Variants in AK2 observed in about 807,000 individuals in gnomAD.
AK2 encodes adenylate kinase 2, mitochondrial.
Under a neutral mutation model 24.6 loss-of-function variants are expected in AK2, and 15 were observed. The observed-to-expected ratio is 0.61, with a 90% CI of 0.41 to 0.94. The LOEUF (loss-of-function observed/expected upper bound fraction) is 0.94. Ranked by LOEUF, AK2 falls within the 40% of genes least tolerant of loss-of-function variation. The pLI is 0.00. For synonymous variants in AK2, 102 were observed against 114.0 expected (o/e 0.90, Z 0.67); for missense variants, 257 against 304.1 (o/e 0.85, Z 1.15).
At position 33,011,386 on chromosome 1, in the gene AK2, G is replaced by C. The variant is rs1405475694; in HGVS notation, c.*1795C>G. 2 of 1,287,412 alleles carry C rather than the reference G, an allele frequency of 1.6e-6. No individual in the cohort carries two copies. The highest frequency in any genetic ancestry group is 2.5e-5 in the South Asian group (2 of 80,946). The allele number at this position is 1,287,412 out of a possible 1,614,324, so 79.7% of individuals were successfully genotyped here. ...CAAAGCCAGACTGAGTTTCCATTAA[G>C]AGTGGGTGGAGTTGGTTTAGAGCCA... On this transcript the variant is annotated 3_prime_UTR_variant, in exon 6 of 6. Transcript: ENST00000672715.
At chr1:33,024,087 C>G in intron 2 of AK2, 1 of 302,728 alleles carries the variant, frequency 3.3e-6, no homozygotes, top group Non-Finnish European at 6.4e-6. Flanking sequence ...ACAAGAATCG[C>G]TTGAACCCAG....
At chr1:33,017,477 A>G (rs1344647701) in intron 4 of AK2, among the ~76,000 whole-genome samples, 2 of 152,204 alleles carry the variant, frequency 1.3e-5, no homozygotes, top group Admixed American at 6.5e-5. Flanking sequence ...ACGGACCAGG[A>G]TATTTTTTTA....
At chr1:33,013,782 T>C (rs190106860) in intron 5 of AK2, among the ~76,000 whole-genome samples, 19 of 152,326 alleles carry the variant, frequency 1.2e-4, no homozygotes, top group African/African-American at 4.1e-4. Context: ...AAATCAAAGA[T>C]ACATTAGCAA....
intron 2 of AK2, among the ~76,000 whole-genome samples, chr1:33,022,577 G>A (rs186167623): frequency 2.0e-5 from 3 of 151,942 alleles, no homozygotes; most frequent in East Asian, 1.9e-4. Context: ...GGCTGGTCTC[G>A]AACTGGTGAC....
chr1:33,016,810 A>G (rs1385547018), intron 4 of AK2, among the ~76,000 whole-genome samples: 1 of 151,764 alleles, frequency 6.6e-6, no homozygotes, highest in Non-Finnish European at 1.5e-5. Context: ...GGTTCAAGCA[A>G]TTCTCCTGCC....
chr1:33,028,301 C>T (rs1024301535), intron 1 of AK2, among the ~76,000 whole-genome samples: 1 of 152,006 alleles, frequency 6.6e-6, no homozygotes, highest in African/African-American at 2.4e-5. Flanking sequence ...GTCGGGAGTT[C>T]AAGACCAGCA....
At chr1:33,014,401 C>G (rs902715520) in intron 5 of AK2, 121 bp downstream of exon 5, 48 of 794,534 alleles carry the variant, frequency 6.0e-5, no homozygotes, top group Non-Finnish European at 9.9e-5. Context: ...TGTTATTTTT[C>G]ATGACTAAGT....
rs1201068957 is a variant in AK2, at chr1:33,036,722, G to C, written c.93+14C>G. 1 of 1,570,334 alleles carries C rather than the reference G, an allele frequency of 6.4e-7. No homozygotes were observed. Among genetic ancestry groups the C allele is most frequent in the African/African-American group, 1.4e-5 (1 of 74,002 alleles). On this transcript the variant is annotated intron_variant, in intron 1 of 5. Transcript: ENST00000672715. Reference sequence around the variant, plus strand: ...TCAGCAGGCTCCGCCGCCAAGCCCAGTCCTGCCGCTCACCTGGGTCCCTTT... The same window carrying C: ...TCAGCAGGCTCCGCCGCCAAGCCCACTCCTGCCGCTCACCTGGGTCCCTTT...
At position 33,028,455 on chromosome 1, in the gene AK2, C is replaced by T. The variant is rs1640036630; in HGVS notation, c.94-3888G>A. 2.0e-5 allele frequency among the ~76,000 whole-genome samples: 3 copies of T among 150,996 alleles called. No individual in the cohort carries two copies. In the South Asian group the frequency reaches 6.3e-4, roughly 32 times the overall value. On this transcript the variant is annotated intron_variant, in intron 1 of 5. Transcript: ENST00000672715. ...GGTTGTGGTGAGCTGGGATTGAGAT[C>T]GTGCCGCTACACTCCAGCCTGGGCA...
chr1:33,012,159 C>G lies in AK2; in HGVS notation c.*1022G>C. On this transcript the variant is annotated 3_prime_UTR_variant, in exon 6 of 6. Coordinates refer to ENST00000672715, the MANE Select transcript of AK2 (RefSeq NM_001625.4). ...GAAGACAATCTGAATTCAAAAGGAC[C>G]TTTCACCTGGTTTAATTCTCTGGCA... The G allele has an allele frequency of 6.5e-7, 1 of 1,535,388 alleles. No individual in the cohort carries two copies.
chr1:33,024,192 C>G, intron 2 of AK2: 1 of 507,330 alleles, frequency 2.0e-6, no homozygotes. Context: ...AAAAAATTTC[C>G]TATAATCTGC....
At chr1:33,033,770 GTCT>G (rs1640397235) in intron 1 of AK2, among the ~76,000 whole-genome samples, 1 of 152,168 alleles carries the variant, frequency 6.6e-6, no homozygotes, top group African/African-American at 2.4e-5. Context: ...ATGCCATCCT[GTCT>G]TCTTTTGTGT....
rs562916749 is a variant in AK2, at chr1:33,010,027, T to A, written c.*3154A>T. The A allele has an allele frequency of 6.5e-4, 296 of 454,632 alleles. No individual in the cohort carries two copies. The highest frequency in any genetic ancestry group is 4.5e-3 in the South Asian group (288 of 64,480). The allele number at this position is 454,632 out of a possible 1,614,324, so 28.2% of individuals were successfully genotyped here. ...AATACATCACAGTGCTGTTGAGTGA[T>A]CCCAGTCACAGGATTTGAGAATGGA... On this transcript the variant is annotated 3_prime_UTR_variant, in exon 6 of 6. Transcript: ENST00000672715.
In AK2 at chr1:33,008,389, C is replaced by T. The variant is rs1017870008; in HGVS notation, c.*4792G>A. On this transcript the variant is annotated 3_prime_UTR_variant, in exon 6 of 6. Coordinates refer to ENST00000672715, the MANE Select transcript of AK2 (RefSeq NM_001625.4). ...GGCTTCTGAGGAGGCTGCTCTCCAT[C>T]CTGCTGTGTTCTGTCAGTGACACTT... 8.8e-6 allele frequency: 4 copies of T among 454,010 alleles called. No homozygotes were observed. Among genetic ancestry groups the T allele is most frequent in the African/African-American group, 2.0e-5 (1 of 50,018 alleles). The allele number at this position is 454,010 out of a possible 1,614,324, so 28.1% of individuals were successfully genotyped here.
At chr1:33,020,883 A>G (rs1221310382) in intron 4 of AK2, among the ~76,000 whole-genome samples, 1 of 149,952 alleles carries the variant, frequency 6.7e-6, no homozygotes, top group Non-Finnish European at 1.5e-5. Context: ...ACAGTGGCTC[A>G]AGCGTGTAAT....
Position 33,024,278 on chromosome 1 carries a change from G to A in AK2, c.219+164C>T, listed in dbSNP as rs977242736. 29 of 954,058 alleles carry A rather than the reference G, an allele frequency of 3.0e-5. No individual in the cohort carries two copies. In the South Asian group the frequency reaches 3.5e-4, roughly 11 times the overall value. The allele number at this position is 954,058 out of a possible 1,614,324, so 59.1% of individuals were successfully genotyped here. A position where few individuals can be genotyped will look rare whatever the true frequency, so the allele number is the denominator to read the frequency against. On this transcript the variant is annotated intron_variant, in intron 2 of 5. Coordinates refer to ENST00000672715, the MANE Select transcript of AK2 (RefSeq NM_001625.4). The stretch of plus-strand genomic sequence containing the variant: ...TGATGATGGAAAGTTCTGTATCAGC[G>A]TTGGCTGGTAAATACTTGAAATATG...
chr1:33,028,646 A>G (rs1640052960), intron 1 of AK2, among the ~76,000 whole-genome samples: 1 of 152,224 alleles, frequency 6.6e-6, no homozygotes, highest in Non-Finnish European at 1.5e-5. Context: ...ACACTCAGTC[A>G]TAGTCTGTTG....
chr1:33,015,658 A>AG (rs542012616), intron 4 of AK2, among the ~76,000 whole-genome samples: 4 of 152,192 alleles, frequency 2.6e-5, no homozygotes, highest in East Asian at 3.8e-4. Flanking sequence ...TGGGAGGCTG[A>AG]GGGGGGCAGA....
chr1:33,015,874 A>G (rs1479430669), intron 4 of AK2, among the ~76,000 whole-genome samples: 1 of 152,196 alleles, frequency 6.6e-6, no homozygotes, highest in Non-Finnish European at 1.5e-5. Context: ...GTGACAGAGC[A>G]AGACTGTCTC....
Sources: gnomAD v4.1 joint callset for allele counts (sites outside exome capture counted in the v4.1 genomes callset) on GRCh38, gnomAD v4.1.1 for gene constraint, MANE v1.5 for transcripts, NCBI Gene and HGNC (gene_info 2026-07-23, HGNC 2026-07-21) for gene names.